The following MAPK10 variants were observed in gnomAD, a reference collection of about 807,000 sequenced individuals.
MAPK10 encodes the protein JNK3 alpha protein kinase.
A neutral mutation model predicts 59.3 loss-of-function variants in MAPK10; 25 were observed. That is an observed-to-expected ratio of 0.42 (90% CI 0.31 to 0.59). The LOEUF is 0.59. Among genes scored for constraint, MAPK10 ranks in the 20% least tolerant of loss-of-function variants. The probability of loss-of-function intolerance (pLI) is 0.15; values close to 1 mark genes in which losing one functional copy is unlikely to be tolerated. For synonymous variants in MAPK10, 190 were observed against 200.5 expected (o/e 0.95, Z 0.44); for missense variants, 351 against 568.9 (o/e 0.62, Z 3.90).
intron 8 of MAPK10, chr4:86,099,243 A>G (rs1231334049): frequency 6.6e-6 from 1 of 152,370 alleles, no homozygotes; most frequent in Admixed American, 6.5e-5. Flanking sequence ...ATATTTCAAG[A>G]AAAAAGACAT....
chr4:86,244,690 T>A (rs1306779592), intron 2 of MAPK10, among the ~76,000 whole-genome samples: 1 of 152,164 alleles, frequency 6.6e-6, no homozygotes, highest in Non-Finnish European at 1.5e-5. Context: ...TAGCATAAAG[T>A]GTGTACGTGC....
At chr4:86,293,727 C>T (rs1285336249) in intron 2 of MAPK10, among the ~76,000 whole-genome samples, 2 of 152,110 alleles carry the variant, frequency 1.3e-5, no homozygotes, top group Non-Finnish European at 2.9e-5. Flanking sequence ...GCAGGCGTTT[C>T]ACATGGCAGG....
At chr4:86,393,129 A>C (rs1742456679) in intron 1 of MAPK10, among the ~76,000 whole-genome samples, 1 of 152,214 alleles carries the variant, frequency 6.6e-6, no homozygotes, top group African/African-American at 2.4e-5. Context: ...ATTTAAATGT[A>C]TTGATAAAAA....
intron 9 of MAPK10, among the ~76,000 whole-genome samples, chr4:86,069,230 T>TA (rs1344163503): frequency 1.3e-5 from 2 of 152,120 alleles, no homozygotes; most frequent in Non-Finnish European, 2.9e-5. Context: ...TGAACAAAGA[T>TA]AAAATCAAAC....
At chr4:86,193,251 A>C (rs747989990) in intron 3 of MAPK10, 1 of 152,398 alleles carries the variant, frequency 6.6e-6, no homozygotes, top group African/African-American at 2.4e-5. Context: ...TTGAGGAGAT[A>C]GTCTGTCCCT....
intron 1 of MAPK10, among the ~76,000 whole-genome samples, chr4:86,495,022 T>C (rs1032775276): frequency 6.6e-6 from 1 of 152,054 alleles, no homozygotes; most frequent in African/African-American, 2.4e-5. Flanking sequence ...TGGTTTATAT[T>C]AGAATTAAGG....
At chr4:86,176,710 A>G (rs10004539) in intron 3 of MAPK10, among the ~76,000 whole-genome samples, 21,032 of 152,080 alleles carry the variant, frequency 0.14, 1,495 homozygotes, top group African/African-American at 0.16. Flanking sequence ...GAAATTTGCT[A>G]TAACTGTGTT....
Position 86,067,787 on chromosome 4 carries a change from T to C in MAPK10, c.971A>G (p.His324Arg). Residue 324 changes from histidine (H) to arginine (R), a missense_variant, in exon 10 of 14, where the codon CAC becomes CGC. His to Arg is a conservative substitution (Grantham distance 29). Around this residue, in one of 5 missense-constraint regions of MAPK10, gnomAD observed 155 missense variants for 204.2 expected, o/e 0.76. Coordinates refer to ENST00000641462, the MANE Select transcript of MAPK10 (RefSeq NM_138982.4). ...PDSLFPADSE[H>R]NKLKASQARD... The stretch of plus-strand genomic sequence containing the variant: ...GAAGGGCATACCTTTGAGTTTATTG[T>C]GCTCGGAGTCCGCTGGGAAGAGGGA... 1 of 1,611,656 alleles carries C rather than the reference T, an allele frequency of 6.2e-7. No individual in the cohort carries two copies. Among genetic ancestry groups the C allele is most frequent in the Non-Finnish European group, 8.5e-7 (1 of 1,178,778 alleles).
intron 1 of MAPK10, among the ~76,000 whole-genome samples, chr4:86,459,207 A>G (rs745594993): frequency 6.6e-6 from 1 of 152,260 alleles, no homozygotes; most frequent in Non-Finnish European, 1.5e-5. Flanking sequence ...CAAAACCACA[A>G]TGCAATACCA....
Position 86,433,693 on chromosome 4 carries a change from C to G in MAPK10, c.-122+19337G>C, listed in dbSNP as rs143122305. Reference sequence around the variant, plus strand: ...TGCTGGGAATACAGGCATGAACTATCGCACCCAGCCTAGGCCTTCTTTAAA... The same window carrying G: ...TGCTGGGAATACAGGCATGAACTATGGCACCCAGCCTAGGCCTTCTTTAAA... On this transcript the variant is annotated intron_variant, in intron 1 of 13. Coordinates refer to the MAPK10 transcript ENST00000361569. 4.0e-3 allele frequency among the ~76,000 whole-genome samples: 609 copies of G among 151,272 alleles called. 4 individuals are homozygous for G. Among genetic ancestry groups the G allele is most frequent in the African/African-American group, 0.014 (577 of 41,240 alleles).
At chr4:86,526,971 G>A (rs1408706638) in intron 1 of MAPK10, among the ~76,000 whole-genome samples, 1 of 152,048 alleles carries the variant, frequency 6.6e-6, no homozygotes, top group Non-Finnish European at 1.5e-5. Context: ...CTTGCTTTAT[G>A]GCCAAGCATG....
In MAPK10 at chr4:86,312,721, G is replaced by A. The variant is rs146006867; in HGVS notation, c.-7+41809C>T. Among the ~76,000 whole-genome samples the A allele has an allele frequency of 1.6e-4, 24 of 152,138 alleles. No homozygotes were observed. In the East Asian group the frequency reaches 4.6e-3, roughly 29 times the overall value. On this transcript the variant is annotated intron_variant, in intron 2 of 13. Transcript: ENST00000641462. The stretch of plus-strand genomic sequence containing the variant: ...CTGGTTTAGCTGGAATTCAGGGAAC[G>A]ACACTAGGAGTGTTTTGTAATCAGA...
chr4:86,481,089 C>A (rs879042355), intron 1 of MAPK10, among the ~76,000 whole-genome samples: 1 of 152,172 alleles, frequency 6.6e-6, no homozygotes, highest in Admixed American at 6.5e-5. Context: ...CAAAGCAAGT[C>A]AGAGAATTTC....
intron 1 of MAPK10, among the ~76,000 whole-genome samples, chr4:86,475,976 A>G (rs1753059125): frequency 6.6e-6 from 1 of 152,174 alleles, no homozygotes; most frequent in Admixed American, 6.5e-5. Flanking sequence ...GGTTCCAAAT[A>G]GCCAGAAAAC....
At chr4:86,528,907 A>G (rs60658605) in intron 1 of MAPK10, among the ~76,000 whole-genome samples, 4,379 of 152,272 alleles carry the variant, frequency 0.029, 223 homozygotes, top group African/African-American at 0.099. Context: ...TACATGTCCC[A>G]TTACCCAGAA....
chr4:86,199,550 T>C (rs1019352176), intron 2 of MAPK10, among the ~76,000 whole-genome samples: 1 of 151,878 alleles, frequency 6.6e-6, no homozygotes, highest in African/African-American at 2.4e-5. Context: ...ATCCAAGAGA[T>C]GAGATAATTA....
intron 10 of MAPK10, chr4:86,065,563 T>G (rs745446207): frequency 6.6e-6 from 1 of 152,214 alleles, no homozygotes; most frequent in Non-Finnish European, 1.5e-5. Flanking sequence ...TACTTTAAGT[T>G]CTGGGATACA....
At chr4:86,136,964 C>A (rs1462655754) in intron 4 of MAPK10, among the ~76,000 whole-genome samples, 15 of 152,272 alleles carry the variant, frequency 9.9e-5, no homozygotes, top group Non-Finnish European at 2.1e-4. Context: ...GTAAAGTGAT[C>A]AATTCAACAA....
intron 1 of MAPK10, among the ~76,000 whole-genome samples, chr4:86,527,476 G>C (rs1757551456): frequency 6.6e-6 from 1 of 151,978 alleles, no homozygotes; most frequent in Admixed American, 6.6e-5. Context: ...TCTCACACCA[G>C]TCAGCATGCC....
Sources: gnomAD v4.1 joint callset for allele counts (sites outside exome capture counted in the v4.1 genomes callset) on GRCh38, gnomAD v4.1.1 for gene constraint, gnomAD v4.1.1 regional missense constraint, MANE v1.5 for transcripts, NCBI Gene and HGNC (gene_info 2026-07-23, HGNC 2026-07-21) for gene names.